ERC2: variants seen among roughly 807,000 people sequenced by gnomAD.
ERC2 encodes ERC protein 2.
Under a neutral mutation model 114.8 loss-of-function variants are expected in ERC2, and 42 were observed. The ratio of observed to expected loss-of-function variants is 0.37; its 90% CI spans 0.29 to 0.47. The LOEUF is 0.47. Among genes scored for constraint, ERC2 ranks in the 20% least tolerant of loss-of-function variants. ERC2 has a pLI of 0.99. For synonymous variants in ERC2, 454 were observed against 425.5 expected (o/e 1.07, Z -0.82); for missense variants, 939 against 1,150.7 (o/e 0.82, Z 2.66).
At chr3:55,554,459 C>A (rs1453239011) in intron 17 of ERC2, among the ~76,000 whole-genome samples, 1 of 152,250 alleles carries the variant, frequency 6.6e-6, no homozygotes, top group Non-Finnish European at 1.5e-5. Context: ...GCAGACGGGA[C>A]CTGAAGGAGT....
At chr3:55,978,950 C>A (rs4974155) in intron 12 of ERC2, among the ~76,000 whole-genome samples, 59,774 of 152,048 alleles carry the variant, frequency 0.39, 12,598 homozygotes, top group East Asian at 0.51. Flanking sequence ...CCCTGCTTTG[C>A]GTATTTAGGT....
At chr3:55,891,310 T>C (rs1045332255) in intron 13 of ERC2, among the ~76,000 whole-genome samples, 2 of 152,158 alleles carry the variant, frequency 1.3e-5, no homozygotes, top group Non-Finnish European at 1.5e-5. Context: ...GTGACCACAA[T>C]GAAGCCCAGG....
At chr3:56,262,009 C>A (rs1217361020) in intron 3 of ERC2, among the ~76,000 whole-genome samples, 1 of 152,118 alleles carries the variant, frequency 6.6e-6, no homozygotes, top group African/African-American at 2.4e-5. Flanking sequence ...ATAAGGGCCT[C>A]CAGCTCCATC....
At chr3:56,107,804 G>C (rs899259945) in intron 6 of ERC2, among the ~76,000 whole-genome samples, 7 of 152,150 alleles carry the variant, frequency 4.6e-5, no homozygotes, top group African/African-American at 1.4e-4. Flanking sequence ...AGCCTAAATA[G>C]TAACTGATTC....
chr3:55,742,312 C>T (rs955824149), intron 14 of ERC2, among the ~76,000 whole-genome samples: 3 of 152,072 alleles, frequency 2.0e-5, no homozygotes, highest in Admixed American at 2.0e-4. Context: ...CCATTGCTGT[C>T]GTTCTATTAA....
chr3:55,713,120 CTCTCTCTG>C (rs1359905433), intron 15 of ERC2, among the ~76,000 whole-genome samples: 265 of 115,302 alleles, frequency 2.3e-3, no homozygotes, highest in African/African-American at 9.8e-3. Context: ...CTCTCTCTCT[CTCTCTCTG>C]TCTCACACAC....
intron 14 of ERC2, among the ~76,000 whole-genome samples, chr3:55,757,393 G>A (rs2067131390): frequency 6.6e-6 from 1 of 152,166 alleles, no homozygotes; most frequent in South Asian, 2.1e-4. Context: ...AGGTGAGGAG[G>A]TGAGTATTGG....
Position 56,000,142 on chromosome 3 carries a change from C to A in ERC2, c.2061+7039G>T, listed in dbSNP as rs570492922. Among the ~76,000 whole-genome samples the A allele has an allele frequency of 2.0e-5, 3 of 152,018 alleles. No homozygotes were observed. The South Asian group carries it at 6.2e-4, about 32-fold the overall frequency. On this transcript the variant is annotated intron_variant, in intron 10 of 17. Transcript: ENST00000288221. Reference sequence around the variant, plus strand: ...AGAGAGAATTGTTTGATAAATCATGCTGGATAATTAGTTGATAATTTAGAA... The same window carrying A: ...AGAGAGAATTGTTTGATAAATCATGATGGATAATTAGTTGATAATTTAGAA...
At chr3:55,781,611 C>T (rs1489550537) in intron 14 of ERC2, among the ~76,000 whole-genome samples, 1 of 151,840 alleles carries the variant, frequency 6.6e-6, no homozygotes, top group African/African-American at 2.4e-5. Flanking sequence ...GTGGCTCACA[C>T]CTGTAATCCC....
chr3:56,059,591 AG>A (rs1398282135), intron 7 of ERC2, among the ~76,000 whole-genome samples: 1 of 152,180 alleles, frequency 6.6e-6, no homozygotes, highest in Non-Finnish European at 1.5e-5. Context: ...TTTGCCCAGA[AG>A]TCCTCTCTAA....
At chr3:56,463,239 A>C (rs1577076426) in intron 1 of ERC2, among the ~76,000 whole-genome samples, 1 of 151,148 alleles carries the variant, frequency 6.6e-6, no homozygotes. Flanking sequence ...AAAAGCAAAC[A>C]AAAAAAAACA....
At chr3:56,309,969 T>G (rs2056447252) in intron 2 of ERC2, among the ~76,000 whole-genome samples, 1 of 152,218 alleles carries the variant, frequency 6.6e-6, no homozygotes, top group Admixed American at 6.5e-5. Flanking sequence ...CTTTGGCATT[T>G]TTTTAAATAA....
At chr3:55,600,875 T>C (rs898454947) in intron 17 of ERC2, among the ~76,000 whole-genome samples, 2 of 152,250 alleles carry the variant, frequency 1.3e-5, no homozygotes, top group Non-Finnish European at 2.9e-5. Flanking sequence ...ATTGGCAGCC[T>C]GGGTGATGAG....
At chr3:55,950,741 G>A (rs1401160713) in intron 12 of ERC2, among the ~76,000 whole-genome samples, 181 bp from the exon 13 acceptor site, 1 of 152,192 alleles carries the variant, frequency 6.6e-6, no homozygotes, top group Non-Finnish European at 1.5e-5. Context: ...TTAATACCAG[G>A]TCCCAGGACG....
chr3:56,224,465 C>T (rs890402103), intron 3 of ERC2, among the ~76,000 whole-genome samples: 5 of 151,906 alleles, frequency 3.3e-5, no homozygotes, highest in African/African-American at 4.8e-5. Flanking sequence ...ATAGAGATGG[C>T]GGGGGTAAAA....
At chr3:55,564,399 T>C (rs140895681) in intron 17 of ERC2, among the ~76,000 whole-genome samples, 264 of 152,308 alleles carry the variant, frequency 1.7e-3, no homozygotes, top group African/African-American at 6.1e-3. Context: ...TCTAAATGGC[T>C]TTTTTCCACC....
At position 56,130,893 on chromosome 3, in the gene ERC2, G is replaced by A. The variant is rs567800485; in HGVS notation, c.1473+8616C>T. ...TTTGCTAGATACAGGGACATTTTCC[G>A]CATTCTAAGGCTCACAAAGCCTGAC... is the stretch of plus-strand genomic sequence containing the variant. On this transcript the variant is annotated intron_variant, in intron 6 of 17. Transcript: ENST00000288221. Among the ~76,000 whole-genome samples the A allele has an allele frequency of 7.2e-5, 11 of 152,234 alleles. 1 individual carries two copies. In the South Asian group the frequency reaches 1.7e-3, roughly 23 times the overall value.
intron 17 of ERC2, among the ~76,000 whole-genome samples, chr3:55,569,861 A>ATTTTTTTT: frequency 8.0e-6 from 1 of 125,228 alleles, no homozygotes. Flanking sequence ...CTTCATTTCT[A>ATTTTTTTT]TTTTTTTTTT....
intron 14 of ERC2, among the ~76,000 whole-genome samples, chr3:55,812,612 A>G (rs912700700): frequency 2.0e-5 from 3 of 152,178 alleles, no homozygotes; most frequent in African/African-American, 4.8e-5. Context: ...TGAGAGGGCA[A>G]TCAAAGAGAA....
Sources: allele counts gnomAD v4.1 joint callset (sites outside exome capture counted in the v4.1 genomes callset), GRCh38; gene constraint gnomAD v4.1.1; transcripts MANE v1.5; gene names NCBI Gene and HGNC (gene_info 2026-07-23, HGNC 2026-07-21).